Variants in ACVR1 observed in about 807,000 individuals in gnomAD.
ACVR1 encodes activin A receptor type 1.
A neutral mutation model predicts 57.1 loss-of-function variants in ACVR1; 38 were observed. The observed-to-expected ratio is 0.67, with a 90% CI of 0.51 to 0.87. The LOEUF (loss-of-function observed/expected upper bound fraction) is 0.87, where lower values mean the gene tolerates loss of function less well. ACVR1 is among the 40% of genes least tolerant of loss of function. ACVR1 has a pLI of 0.00. For missense variants in ACVR1, 463 were observed against 638.2 expected, an observed-to-expected ratio of 0.73 and a Z score of 2.96; for synonymous variants, 212 against 228.1, an observed-to-expected ratio of 0.93 and a Z score of 0.63.
intron 1 of ACVR1, among the ~76,000 whole-genome samples, chr2:157,823,835 T>G (rs1688238493): frequency 6.6e-6 from 1 of 152,132 alleles, no homozygotes; most frequent in Admixed American, 6.5e-5. Flanking sequence ...GCCAGAAATA[T>G]AAAGTAAGGG....
chr2:157,765,852 G>A, intron 8 of ACVR1, 69 bp downstream of exon 8: 2 of 1,523,360 alleles, frequency 1.3e-6, no homozygotes, highest in South Asian at 2.3e-5. Context: ...GTGGGGGAGA[G>A]ATGCAACTCA....
In ACVR1 at chr2:157,766,102, AAGATAGTCGTACAACGATC is replaced by A; in HGVS notation, c.866_884del (p.Gly289ValfsTer14). The A allele has an allele frequency of 6.2e-7, 1 of 1,614,168 alleles. No homozygotes were observed. Among genetic ancestry groups the A allele is most frequent in the South Asian group, 1.1e-5 (1 of 91,084 alleles). On this transcript the variant is annotated frameshift_variant, in exon 8 of 11. Coordinates refer to ENST00000434821, the MANE Select transcript of ACVR1 (RefSeq NM_001111067.4). LOFTEE classifies it high-confidence loss of function. ...TAACTGTATCCAGAGTAGTAAGCTG[AAGATAGTCGTACAACGATC>A]CCATTTCATGATAATGTGTAATTAA...
intron 10 of ACVR1, 118 bp downstream of exon 10, chr2:157,738,322 G>A (rs1436462567): frequency 1.0e-4 from 148 of 1,473,008 alleles, no homozygotes; most frequent in Non-Finnish European, 1.3e-4. Flanking sequence ...AAAATAGGAA[G>A]AGAAAACAAC....
At chr2:157,752,169 T>C (rs1350450668) in intron 9 of ACVR1, among the ~76,000 whole-genome samples, 29 of 152,186 alleles carry the variant, frequency 1.9e-4, no homozygotes, top group Admixed American at 1.9e-3. Context: ...TGGATACTGG[T>C]AGCCCTGTGT....
At chr2:157,776,085 A>G (rs1686275733) in intron 5 of ACVR1, among the ~76,000 whole-genome samples, 2 of 152,240 alleles carry the variant, frequency 1.3e-5, no homozygotes, top group Admixed American at 1.3e-4. Flanking sequence ...AAACATACAA[A>G]TGAGCATATT....
chr2:157,767,531 G>T (rs1685911523), intron 7 of ACVR1, among the ~76,000 whole-genome samples: 1 of 152,052 alleles, frequency 6.6e-6, no homozygotes, highest in Non-Finnish European at 1.5e-5. Flanking sequence ...TTAAAAAGAG[G>T]TGAGAAAAAA....
At chr2:157,853,267 T>G (rs748653299) in intron 1 of ACVR1, among the ~76,000 whole-genome samples, 2 of 152,208 alleles carry the variant, frequency 1.3e-5, no homozygotes, top group Non-Finnish European at 2.9e-5. Context: ...TTCTAGAGGC[T>G]AGAAGTCCAA....
At chr2:157,784,619 A>G (rs1686646198) in intron 3 of ACVR1, among the ~76,000 whole-genome samples, 1 of 152,128 alleles carries the variant, frequency 6.6e-6, no homozygotes, top group Non-Finnish European at 1.5e-5. Flanking sequence ...CCGTGTGAAA[A>G]CACTCGCAGC....
intron 1 of ACVR1, among the ~76,000 whole-genome samples, chr2:157,855,336 ACACACAC>A (rs1356540196): frequency 2.1e-5 from 3 of 141,108 alleles, no homozygotes; most frequent in African/African-American, 7.9e-5. Context: ...ACACACACAC[ACACACAC>A]ACAAAAATTA....
chr2:157,874,470 CT>C (rs750696669), intron 1 of ACVR1, among the ~76,000 whole-genome samples: 83 of 152,350 alleles, frequency 5.4e-4, no homozygotes, highest in Non-Finnish European at 9.4e-4. Context: ...AGTCTAGTGT[CT>C]GCTGGCTGCC....
intron 10 of ACVR1, 71 bp downstream of exon 10, chr2:157,738,369 T>C (rs1214825362): frequency 1.9e-6 from 3 of 1,608,584 alleles, no homozygotes; most frequent in South Asian, 2.2e-5. Flanking sequence ...GCAATACCAG[T>C]TGAAACTCAA....
In ACVR1 at chr2:157,737,242, G is replaced by A. The variant is rs993880693; in HGVS notation, c.*289C>T. 4 of 498,498 alleles carry A rather than the reference G, an allele frequency of 8.0e-6. No individual in the cohort carries two copies. The highest frequency in any genetic ancestry group is 1.5e-5 in the Non-Finnish European group (4 of 273,446). The allele number at this position is 498,498 out of a possible 1,614,324, so 30.9% of individuals were successfully genotyped here. ...TGACTTAATGCCCAGATCTCTTTTA[G>A]GATTTCTCTGTGTTCCTCCAGTCCC... is the stretch of plus-strand genomic sequence containing the variant. On this transcript the variant is annotated 3_prime_UTR_variant, in exon 11 of 11. Coordinates refer to ENST00000434821, the MANE Select transcript of ACVR1 (RefSeq NM_001111067.4).
In ACVR1 at chr2:157,814,500, G is replaced by T. The variant is rs538419218; in HGVS notation, c.-8+3885C>A. On this transcript the variant is annotated intron_variant, in intron 2 of 10. Transcript: ENST00000434821. Reference sequence around the variant, plus strand: ...AGTCATACTTGACAGGCAAGGGCATGAGAAAACTGTTCTCACCCATCGTTG... The same window carrying T: ...AGTCATACTTGACAGGCAAGGGCATTAGAAAACTGTTCTCACCCATCGTTG... Among the ~76,000 whole-genome samples the T allele has an allele frequency of 5.3e-5, 8 of 152,302 alleles. No homozygotes were observed. The East Asian group carries it at 1.5e-3, about 29-fold the overall frequency.
intron 1 of ACVR1, among the ~76,000 whole-genome samples, chr2:157,856,076 T>A (rs1689523103): frequency 6.6e-6 from 1 of 152,076 alleles, no homozygotes; most frequent in Admixed American, 6.5e-5. Context: ...TAGTCTGAAG[T>A]ACAGATTCTT....
At chr2:157,866,564 C>T (rs887237336) in intron 1 of ACVR1, among the ~76,000 whole-genome samples, 2 of 152,126 alleles carry the variant, frequency 1.3e-5, no homozygotes, top group Non-Finnish European at 2.9e-5. Flanking sequence ...CTTGGAGCTC[C>T]GGCAACTTCT....
chr2:157,839,538 T>G (rs922757460), intron 1 of ACVR1, among the ~76,000 whole-genome samples: 8 of 152,180 alleles, frequency 5.3e-5, no homozygotes, highest in Admixed American at 3.9e-4. Context: ...GAACACGTGT[T>G]TTCAGAGACA....
intron 1 of ACVR1, among the ~76,000 whole-genome samples, chr2:157,826,355 G>A (rs935007691): frequency 3.9e-5 from 6 of 152,140 alleles, no homozygotes; most frequent in Non-Finnish European, 8.8e-5. Context: ...TGGCATGAAT[G>A]AAGTTTAAAA....
chr2:157,779,504 C>A (rs1406523080), intron 4 of ACVR1, among the ~76,000 whole-genome samples: 1 of 152,176 alleles, frequency 6.6e-6, no homozygotes, highest in African/African-American at 2.4e-5. Flanking sequence ...TGTTCTTCTG[C>A]CTCCTTTCTT....
At chr2:157,859,988 G>A (rs914665001) in intron 1 of ACVR1, 1 of 151,970 alleles carries the variant, frequency 6.6e-6, no homozygotes, top group African/African-American at 2.4e-5. Flanking sequence ...ATAACCTGAG[G>A]ACCTTTTGAA....
Sources: allele counts gnomAD v4.1 joint callset (sites outside exome capture counted in the v4.1 genomes callset), GRCh38; gene constraint gnomAD v4.1.1; transcripts MANE v1.5; gene names NCBI Gene and HGNC (gene_info 2026-07-23, HGNC 2026-07-21).